TAMM41: variants seen among roughly 807,000 people sequenced by gnomAD.
The protein encoded by TAMM41 is TAM41 mitochondrial translocator assembly and maintenance homolog, also known as phosphatidate cytidylyltransferase, mitochondrial.
Under a neutral mutation model 44.1 loss-of-function variants are expected in TAMM41, and 36 were observed. The observed-to-expected ratio is 0.82, with a 90% CI of 0.63 to 1.08. TAMM41 has a LOEUF of 1.08. Ranked by LOEUF, TAMM41 falls within the 50% of genes least tolerant of loss-of-function variation. The pLI, the probability that TAMM41 is intolerant of heterozygous loss-of-function variation, is 0.00. For synonymous variants in TAMM41, 164 were observed against 153.1 expected (o/e 1.07, Z -0.53); for missense variants, 417 against 404.3 (o/e 1.03, Z -0.27).
chr3:11,823,431 A>G (rs569078758), intron 4 of TAMM41, among the ~76,000 whole-genome samples: 1 of 150,402 alleles, frequency 6.6e-6, no homozygotes, highest in African/African-American at 2.4e-5. Context: ...AATTTTTTGT[A>G]TTTTCAGTAG....
the TAMM41 span, among the ~76,000 whole-genome samples, chr3:11,756,865 CAAA>C: frequency 7.6e-6 from 1 of 131,516 alleles, no homozygotes. Context: ...AATTCCGTCT[CAAA>C]AAAAAAAAAA....
At chr3:11,827,756 C>T (rs2078819372) in intron 4 of TAMM41, among the ~76,000 whole-genome samples, 1 of 152,044 alleles carries the variant, frequency 6.6e-6, no homozygotes, top group African/African-American at 2.4e-5. Flanking sequence ...ACTCTCTTCT[C>T]ACCCATAATT....
At chr3:11,757,392 C>T in the TAMM41 span, among the ~76,000 whole-genome samples, 1 of 152,112 alleles carries the variant, frequency 6.6e-6, no homozygotes, top group Non-Finnish European at 1.5e-5. Flanking sequence ...CAGGGGCGGC[C>T]GTCTCCCCAG....
chr3:11,766,818 C>T, the TAMM41 span, among the ~76,000 whole-genome samples: 3 of 152,176 alleles, frequency 2.0e-5, no homozygotes, highest in East Asian at 5.8e-4. Context: ...GACCTTTCTG[C>T]CTCGACCTCC....
the TAMM41 span, among the ~76,000 whole-genome samples, chr3:11,744,622 G>C: frequency 6.6e-6 from 1 of 151,904 alleles, no homozygotes; most frequent in Non-Finnish European, 1.5e-5. Flanking sequence ...TTAAACCCAG[G>C]AGGTGGAGGT....
intron 2 of TAMM41, among the ~76,000 whole-genome samples, chr3:11,842,985 G>C (rs2079519140): frequency 2.6e-5 from 4 of 152,196 alleles, no homozygotes; most frequent in Non-Finnish European, 4.4e-5. Context: ...CTGAAAGACA[G>C]TTCAGCAAAG....
rs559937867 is a variant in TAMM41 at position 11,837,521 on chromosome 3, G to C, written c.411+1701C>G. Among the ~76,000 whole-genome samples, 27 of 151,808 alleles carry C rather than the reference G, an allele frequency of 1.8e-4. 1 individual carries two copies. The South Asian group carries it at 5.6e-3, about 32-fold the overall frequency. On this transcript the variant is annotated intron_variant, in intron 3 of 7. Coordinates refer to ENST00000455809, the MANE Select transcript of TAMM41 (RefSeq NM_001284401.2). Reference sequence around the variant, plus strand: ...TGTTTCCTGTTTCTACTAAAGCCCAGGGAGAAGCCGACTCCCCACAGCCTC... The same window carrying C: ...TGTTTCCTGTTTCTACTAAAGCCCACGGAGAAGCCGACTCCCCACAGCCTC...
At chr3:11,785,616 G>T (rs1401730581), downstream of TAMM41, among the ~76,000 whole-genome samples, 1 of 151,696 alleles carries the variant, frequency 6.6e-6, no homozygotes, top group Non-Finnish European at 1.5e-5. Flanking sequence ...GAGCCACCGT[G>T]CCCAGCCTGT....
chr3:11,811,580 C>G (rs746784847), intron 5 of TAMM41: 2 of 152,326 alleles, frequency 1.3e-5, no homozygotes, highest in East Asian at 1.9e-4. Context: ...CTTACACTAA[C>G]TCTCATTAAA....
the TAMM41 span, among the ~76,000 whole-genome samples, chr3:11,723,747 C>G: frequency 6.6e-6 from 1 of 152,190 alleles, no homozygotes; most frequent in Non-Finnish European, 1.5e-5. Flanking sequence ...AGGAACATAA[C>G]TGGGCAAATC....
the TAMM41 span, among the ~76,000 whole-genome samples, chr3:11,770,637 T>A: frequency 3.9e-5 from 6 of 151,946 alleles, no homozygotes; most frequent in Non-Finnish European, 5.9e-5. Context: ...GCTGGTGACA[T>A]AATAGGAAGG....
chr3:11,751,686 G>A, the TAMM41 span, among the ~76,000 whole-genome samples: 9 of 152,176 alleles, frequency 5.9e-5, no homozygotes, highest in South Asian at 2.1e-4. Context: ...GCTTACCCCC[G>A]AAGTGTGTCA....
the TAMM41 span, among the ~76,000 whole-genome samples, chr3:11,773,414 T>A: frequency 6.6e-5 from 10 of 151,954 alleles, no homozygotes; most frequent in Non-Finnish European, 1.0e-4. Flanking sequence ...AGAGGTGGGG[T>A]CTCGCTATTT....
the TAMM41 span, among the ~76,000 whole-genome samples, chr3:11,752,625 C>CTTTTTTTTTTTTTTTTTTTTTTTTTT: frequency 3.5e-4 from 14 of 39,954 alleles, 6 homozygotes; most frequent in Non-Finnish European, 6.0e-4. Context: ...TCTTACAAAG[C>CTTTTTTTTTTTTTTTTTTTTTTTTTT]TTTTTTTTTT....
At chr3:11,785,909 G>T (rs940666765), downstream of TAMM41, among the ~76,000 whole-genome samples, 1 of 152,114 alleles carries the variant, frequency 6.6e-6, no homozygotes, top group African/African-American at 2.4e-5. Context: ...GTTAGCCACC[G>T]TGCCTGGCCC....
chr3:11,825,349 G>A (rs376435743), intron 4 of TAMM41, among the ~76,000 whole-genome samples: 58 of 152,184 alleles, frequency 3.8e-4, no homozygotes, highest in Non-Finnish European at 6.6e-4. Flanking sequence ...TGACTACTGA[G>A]TAACCTGAGT....
At chr3:11,813,870 A>G (rs1235194157) in intron 5 of TAMM41, among the ~76,000 whole-genome samples, 165 of 143,198 alleles carry the variant, frequency 1.2e-3, no homozygotes, top group African/African-American at 3.7e-3. Flanking sequence ...GTATGTATAT[A>G]TATGTATATA....
chr3:11,797,165 AC>A (rs1345138645), intron 7 of TAMM41, among the ~76,000 whole-genome samples: 1 of 152,230 alleles, frequency 6.6e-6, no homozygotes, highest in East Asian at 1.9e-4. Context: ...TTCATATGGA[AC>A]CAAAAGAGCC....
intron 7 of TAMM41, among the ~76,000 whole-genome samples, chr3:11,800,107 A>G (rs955067469): frequency 2.6e-5 from 4 of 152,214 alleles, no homozygotes; most frequent in African/African-American, 9.6e-5. Context: ...ACATGGAAAC[A>G]AAACGCTGAT....
Sources: allele counts gnomAD v4.1 joint callset (sites outside exome capture counted in the v4.1 genomes callset), GRCh38; gene constraint gnomAD v4.1.1; transcripts MANE v1.5; gene names NCBI Gene and HGNC (gene_info 2026-07-23, HGNC 2026-07-21).